The following SOX5 variants were observed in gnomAD, a reference collection of about 807,000 sequenced individuals.
SOX5 encodes SRY-box transcription factor 5.
Under a neutral mutation model 92.0 loss-of-function variants are expected in SOX5, and 9 were observed. The ratio of observed to expected loss-of-function variants is 0.10; its 90% CI spans 0.06 to 0.17. The LOEUF (loss-of-function observed/expected upper bound fraction) is 0.17. Ranked by LOEUF, SOX5 falls within the 10% of genes least tolerant of loss-of-function variation. The probability of loss-of-function intolerance (pLI) is 1.00; values close to 1 mark genes in which losing one functional copy is unlikely to be tolerated. For missense variants in SOX5, 642 were observed against 944.5 expected (o/e 0.68, Z 4.20); for synonymous variants, 344 against 336.3 (o/e 1.02, Z -0.25).
At chr12:24,060,072 A>G (rs140567933) in intron 4 of SOX5, among the ~76,000 whole-genome samples, 89 of 152,338 alleles carry the variant, frequency 5.8e-4, no homozygotes, top group African/African-American at 2.0e-3. Flanking sequence ...TAAATCAGCA[A>G]CTAAAGTGAA....
In SOX5 at chr12:24,326,633, T is replaced by C. The variant is rs78863764; in HGVS notation, c.-174+41930A>G. ...TTTGCAACTGGTGTGACCTCTACCT[T>C]GAATGTTCATCTCAGATACGGGTAT... is the stretch of plus-strand genomic sequence containing the variant. On this transcript the variant is annotated intron_variant, in intron 2 of 4. Coordinates refer to the SOX5 transcript ENST00000446891. 6.4e-3 allele frequency among the ~76,000 whole-genome samples: 971 copies of C among 152,296 alleles called. 9 individuals are homozygous for C. Among genetic ancestry groups the C allele is most frequent in the African/African-American group, 0.022 (921 of 41,574 alleles).
At chr12:24,026,267 T>C (rs1357457157) in intron 4 of SOX5, among the ~76,000 whole-genome samples, 1 of 142,502 alleles carries the variant, frequency 7.0e-6, no homozygotes, top group South Asian at 2.1e-4. Context: ...AATCTTAACA[T>C]GGATATTTCT....
intron 4 of SOX5, among the ~76,000 whole-genome samples, chr12:24,161,756 C>A (rs1952780051): frequency 6.6e-6 from 1 of 151,984 alleles, no homozygotes; most frequent in Non-Finnish European, 1.5e-5. Context: ...AGTTAATACA[C>A]AGTTGTTAGT....
intron 3 of SOX5, among the ~76,000 whole-genome samples, chr12:24,267,630 T>C (rs771901193): frequency 2.0e-5 from 3 of 152,220 alleles, no homozygotes; most frequent in Non-Finnish European, 2.9e-5. Flanking sequence ...TTTGGGTTCA[T>C]GGTTTTTACT....
chr12:24,229,700 C>T (rs2139917912), intron 3 of SOX5, among the ~76,000 whole-genome samples: 1 of 152,256 alleles, frequency 6.6e-6, no homozygotes, highest in Non-Finnish European at 1.5e-5. Context: ...GTAAAATGAG[C>T]CACTGACATG....
intron 1 of SOX5, among the ~76,000 whole-genome samples, chr12:24,444,026 G>C (rs1423097041): frequency 6.6e-6 from 1 of 152,194 alleles, no homozygotes; most frequent in Non-Finnish European, 1.5e-5. Flanking sequence ...TGAGATGTGG[G>C]GATGTGGAAG....
At chr12:23,634,381 G>A (rs938094221) in intron 8 of SOX5, among the ~76,000 whole-genome samples, 3 of 152,226 alleles carry the variant, frequency 2.0e-5, no homozygotes, top group Admixed American at 6.5e-5. Context: ...TCCACCTTAC[G>A]ATTTTAAGTA....
chr12:23,596,821 T>C (rs1482413192), intron 9 of SOX5, among the ~76,000 whole-genome samples: 3 of 152,212 alleles, frequency 2.0e-5, no homozygotes, highest in Non-Finnish European at 4.4e-5. Context: ...AATAGCTAGA[T>C]AAGTAGTGTG....
chr12:24,541,909 G>A (rs1228198405), intron 1 of SOX5, among the ~76,000 whole-genome samples: 2 of 152,126 alleles, frequency 1.3e-5, no homozygotes, highest in African/African-American at 4.8e-5. Flanking sequence ...ATTTAGTCAC[G>A]TAGCAGGCCA....
At chr12:24,118,593 G>A (rs191352871) in intron 4 of SOX5, among the ~76,000 whole-genome samples, 2 of 151,930 alleles carry the variant, frequency 1.3e-5, no homozygotes, top group East Asian at 3.9e-4. Context: ...AAAAAGCCTA[G>A]GAAATCTCTA....
intron 3 of SOX5, among the ~76,000 whole-genome samples, chr12:24,274,328 C>G (rs539914534): frequency 1.3e-5 from 2 of 152,094 alleles, no homozygotes; most frequent in African/African-American, 4.8e-5. Context: ...ATTATTCTGT[C>G]TTCCTATTGA....
intron 2 of SOX5, among the ~76,000 whole-genome samples, chr12:23,885,480 A>G (rs757725020): frequency 6.6e-6 from 1 of 152,194 alleles, no homozygotes; most frequent in Non-Finnish European, 1.5e-5. Flanking sequence ...AGAGCTAGGA[A>G]GAGACACTGA....
chr12:23,684,898 T>C (rs1400626636), intron 6 of SOX5, among the ~76,000 whole-genome samples: 2 of 152,180 alleles, frequency 1.3e-5, no homozygotes, highest in African/African-American at 4.8e-5. Flanking sequence ...TCTTTTTGCA[T>C]TGTTATTTTA....
Position 23,873,305 on chromosome 12 carries a change from CAA to C in SOX5, c.270+22486_270+22487del, listed in dbSNP as rs11295934. On this transcript the variant is annotated intron_variant, in intron 2 of 14. Coordinates refer to ENST00000451604, the MANE Select transcript of SOX5 (RefSeq NM_006940.6). The stretch of plus-strand genomic sequence containing the variant: ...GGGCAACATGGAGAAACTGTCTCTC[CAA>C]AAAAAAAAGCAGAAAATAAACCAGG... 3.4e-4 allele frequency among the ~76,000 whole-genome samples: 50 copies of C among 149,242 alleles called. 1 individual carries two copies. The highest frequency in any genetic ancestry group is 3.3e-3 in the Admixed American group (50 of 14,970).
rs571104474 is a variant in SOX5 at position 23,731,508 on chromosome 12, G to T, written c.810+3176C>A. 2.6e-5 allele frequency among the ~76,000 whole-genome samples: 4 copies of T among 152,186 alleles called. No individual in the cohort carries two copies. In the East Asian group the frequency reaches 7.7e-4, roughly 29 times the overall value. On this transcript the variant is annotated intron_variant, in intron 6 of 14. Coordinates refer to ENST00000451604, the MANE Select transcript of SOX5 (RefSeq NM_006940.6). ...TGCATACACATAAACATACAAACTTGTTCATGCTTTTTTAATCAAATGATA... is the reference window on the plus strand; with the variant it reads ...TGCATACACATAAACATACAAACTTTTTCATGCTTTTTTAATCAAATGATA...
At chr12:23,949,274 AAGAC>A (rs1218257912) in intron 1 of SOX5, among the ~76,000 whole-genome samples, 4 of 152,220 alleles carry the variant, frequency 2.6e-5, no homozygotes, top group Admixed American at 2.6e-4. Context: ...GTGAATGAGA[AAGAC>A]AGAAGCAGCG....
chr12:24,321,115 G>C (rs1482694737), intron 2 of SOX5, among the ~76,000 whole-genome samples: 1 of 152,116 alleles, frequency 6.6e-6, no homozygotes, highest in Non-Finnish European at 1.5e-5. Context: ...ATGTTAGCCA[G>C]GGTTAATGCT....
At chr12:23,622,018 C>A (rs2077239780) in intron 8 of SOX5, among the ~76,000 whole-genome samples, 1 of 152,050 alleles carries the variant, frequency 6.6e-6, no homozygotes, top group Non-Finnish European at 1.5e-5. Context: ...TTGGATGTGA[C>A]AAGAGTTTTA....
intron 1 of SOX5, 112 bp downstream of exon 1, chr12:23,949,452 A>G: frequency 7.7e-7 from 1 of 1,296,922 alleles, no homozygotes; most frequent in Non-Finnish European, 1.1e-6. Flanking sequence ...AGCCCTAGCT[A>G]AAGGCTTCTC....
Sources: gnomAD v4.1 joint callset for allele counts (sites outside exome capture counted in the v4.1 genomes callset) on GRCh38, gnomAD v4.1.1 for gene constraint, MANE v1.5 for transcripts, NCBI Gene and HGNC (gene_info 2026-07-23, HGNC 2026-07-21) for gene names.